The following GMEB2 variants were observed in gnomAD, a reference collection of about 807,000 sequenced individuals.
GMEB2 encodes the protein glucocorticoid modulatory element-binding protein 2.
A neutral mutation model predicts 45.7 loss-of-function variants in GMEB2; 7 were observed. That is an observed-to-expected ratio of 0.15 (90% confidence interval 0.09 to 0.29). The LOEUF is 0.29. GMEB2 is among the 10% of genes least tolerant of loss of function. The probability of loss-of-function intolerance (pLI) is 1.00; values close to 1 mark genes in which losing one functional copy is unlikely to be tolerated. For missense variants in GMEB2, 582 were observed against 739.2 expected (o/e 0.79, Z 2.47); for synonymous variants, 322 against 323.6 (o/e 1.00, Z 0.05).
In GMEB2 at chr20:63,590,331, C is replaced by T. The variant is rs748067783; in HGVS notation, c.1351G>A (p.Ala451Thr). The stretch of plus-strand genomic sequence containing the variant: ...GTGCTCAGGACCGTGAGGCTGGACG[C>T]GTCCGGGTGGATCTCCACTGTGCTG... ...YPSTVEIHPDASSLTVLSTAA... is the reference protein window; with the variant it reads ...YPSTVEIHPDTSSLTVLSTAA... The change falls in exon 10 of 10, where the codon GCG (alanine) becomes ACG (threonine). Residue 451 changes from alanine to threonine, a missense_variant. By Grantham distance (58) the Ala-to-Thr change is moderately conservative. This residue lies in a region of GMEB2 where 462 missense variants were observed against 586.7 expected (regional missense o/e 0.79). Transcript: ENST00000370077. 1.7e-5 allele frequency: 28 copies of T among 1,612,068 alleles called. No homozygotes were observed. The highest frequency in any genetic ancestry group is 6.7e-5 in the Admixed American group (4 of 59,976).
chr20:63,625,716 G>C (rs2089666542), intron 1 of GMEB2, among the ~76,000 whole-genome samples: 1 of 151,844 alleles, frequency 6.6e-6, no homozygotes, highest in Non-Finnish European at 1.5e-5. Flanking sequence ...TCCTGCCTCA[G>C]CCTCCCAACT....
chr20:63,601,950 GGCCTGTGGCTTCTGTGCT>G (rs1353716149), intron 4 of GMEB2, among the ~76,000 whole-genome samples: 5 of 149,028 alleles, frequency 3.4e-5, no homozygotes, highest in Admixed American at 2.0e-4. Flanking sequence ...GCTTCTGTGG[GGCCTGTGGCTTCTGTGCT>G]GCCTGTGGCT....
intron 2 of GMEB2, among the ~76,000 whole-genome samples, chr20:63,616,198 C>T (rs1204132088): frequency 6.6e-6 from 1 of 152,170 alleles, no homozygotes; most frequent in Non-Finnish European, 1.5e-5. Flanking sequence ...AATTCCAGCA[C>T]TTTGGGAGGC....
intron 1 of GMEB2, among the ~76,000 whole-genome samples, chr20:63,620,200 G>A (rs2089635602): frequency 6.6e-6 from 1 of 152,220 alleles, no homozygotes; most frequent in African/African-American, 2.4e-5. Flanking sequence ...TGCCTGGCCT[G>A]CCCCGGGTTT....
At chr20:63,615,557 C>A (rs1306459700) in intron 2 of GMEB2, among the ~76,000 whole-genome samples, 4 of 152,134 alleles carry the variant, frequency 2.6e-5, no homozygotes, top group African/African-American at 9.7e-5. Context: ...AACTCCTGGG[C>A]TCAAGCAACC....
intron 2 of GMEB2, among the ~76,000 whole-genome samples, chr20:63,610,482 T>C (rs893171613): frequency 6.6e-6 from 1 of 151,894 alleles, no homozygotes; most frequent in African/African-American, 2.4e-5. Context: ...GATCGCGCCA[T>C]TGCACTCCAG....
intron 2 of GMEB2, among the ~76,000 whole-genome samples, chr20:63,605,614 G>A (rs1245691671): frequency 2.0e-5 from 3 of 151,790 alleles, no homozygotes; most frequent in Non-Finnish European, 4.4e-5. Context: ...CACATTTTCT[G>A]TTTGGTTCAT....
At chr20:63,595,867 C>A in intron 5 of GMEB2, 100 bp from the exon 6 acceptor site, 1 of 1,077,822 alleles carries the variant, frequency 9.3e-7, no homozygotes, top group Admixed American at 2.0e-5. Context: ...GTGGGGCAGG[C>A]CTAGCAGAGG....
chr20:63,601,505 A>C (rs2083240864), intron 4 of GMEB2, among the ~76,000 whole-genome samples: 1 of 151,918 alleles, frequency 6.6e-6, no homozygotes, highest in South Asian at 2.1e-4. Flanking sequence ...GTTTCTGCAG[A>C]ATCTACTTAT....
intron 2 of GMEB2, among the ~76,000 whole-genome samples, chr20:63,608,936 C>A (rs76601806): frequency 3.5e-5 from 1 of 28,212 alleles, no homozygotes; most frequent in African/African-American, 7.3e-5. Context: ...CCCTGTGACC[C>A]CACCTCCATT....
In GMEB2 at chr20:63,595,637, T is replaced by A; in HGVS notation, c.592A>T (p.Ile198Phe). ...SLSSPTSAEY[I>F]PLTPAAADVN... is the part of the protein sequence containing the mutation. ...TCGGCTGCGGCGGGCGTGAGGGGAATGTACTCGGCCGACGTGGGGCTGCTC... is the reference window on the plus strand; with the variant it reads ...TCGGCTGCGGCGGGCGTGAGGGGAAAGTACTCGGCCGACGTGGGGCTGCTC... Residue 198 changes from isoleucine (I) to phenylalanine (F), a missense_variant, in exon 6 of 10, where the codon ATT becomes TTT. Transcript: ENST00000370077. 6.2e-7 allele frequency: 1 copy of A among 1,612,374 alleles called. No individual in the cohort carries two copies. Among genetic ancestry groups the A allele is most frequent in the Middle Eastern group, 1.7e-4 (1 of 6,048 alleles).
chr20:63,592,163 C>T lies in GMEB2; in HGVS notation c.830-19G>A. ...ACAGCATCTTAAAGGGTAACGCGGA[C>T]ACTCAGTGAGAGCCCAAGCCCTTCC... On this transcript the variant is annotated intron_variant, in intron 8 of 9. Transcript: ENST00000370077. The surrounding 1 kb of genome is among the most constrained non-coding windows in gnomAD (Gnocchi z 8.2). 1 of 1,609,498 alleles carries T rather than the reference C, an allele frequency of 6.2e-7. No homozygotes were observed. The highest frequency in any genetic ancestry group is 8.5e-7 in the Non-Finnish European group (1 of 1,178,092).
chr20:63,592,583 G>A lies in GMEB2; in HGVS notation c.779C>T (p.Thr260Ile). 6.2e-7 allele frequency: 1 copy of A among 1,612,226 alleles called. No homozygotes were observed. The highest frequency in any genetic ancestry group is 1.7e-5 in the Admixed American group (1 of 60,014). The change falls in exon 8 of 10, where the codon ACC (threonine) becomes ATC (isoleucine). Residue 260 changes from threonine to isoleucine, a missense_variant. By Grantham distance (89) the Thr-to-Ile change is moderately conservative (BLOSUM62 -1). This residue lies in a region of GMEB2 where 462 missense variants were observed against 586.7 expected (regional missense o/e 0.79). Transcript: ENST00000370077. The surrounding 1 kb of genome is among the most constrained non-coding windows in gnomAD (Gnocchi z 8.2). ...IQEFHQELVE[T>I]MRGLQQRVQD... ...GACCCGCTGCTGCAGGCCTCTCATGGTCTCCACCAGCTCCTGGTGGAACTC... is the reference window on the plus strand; with the variant it reads ...GACCCGCTGCTGCAGGCCTCTCATGATCTCCACCAGCTCCTGGTGGAACTC...
At position 63,589,420 on chromosome 20, in the gene GMEB2, G is replaced by A. The variant is rs551259955; in HGVS notation, c.*669C>T. On this transcript the variant is annotated 3_prime_UTR_variant, in exon 10 of 10. Coordinates refer to ENST00000370077, the MANE Select transcript of GMEB2 (RefSeq NM_012384.5). ...CTCAGTACATGTGCAACAATGCCTG[G>A]ACCACGCCTCGTCTGTGCGGCCCCT... 2.7e-6 allele frequency: 1 copy of A among 376,254 alleles called. No individual in the cohort carries two copies. The highest frequency in any genetic ancestry group is 3.8e-5 in the East Asian group (1 of 26,374). 23.3% of individuals were successfully genotyped at this position (376,254 alleles called of 1,614,324 possible). A position where few individuals can be genotyped will look rare whatever the true frequency, so the allele number is the denominator to read the frequency against.
At position 63,590,349 on chromosome 20, in the gene GMEB2, C is replaced by T; in HGVS notation, c.1333G>A (p.Val445Met). Residue 445 changes from valine (V) to methionine (M), a missense_variant, in exon 10 of 10, where the codon GTG (valine) becomes ATG (methionine). Physicochemically the swap from Val to Met is conservative, Grantham distance 21. Coordinates refer to ENST00000370077, the MANE Select transcript of GMEB2 (RefSeq NM_012384.5). ...ASSGSTYPSTVEIHPDASSLT... is the reference protein window; with the variant it reads ...ASSGSTYPSTMEIHPDASSLT... ...CTGGACGCGTCCGGGTGGATCTCCA[C>T]TGTGCTGGGGTAGGTGGAGCCGGAA... 6.2e-7 allele frequency: 1 copy of T among 1,611,604 alleles called. No homozygotes were observed. Among genetic ancestry groups the T allele is most frequent in the African/African-American group, 1.3e-5 (1 of 75,044 alleles).
rs759658022 is a variant in GMEB2 at position 63,604,821 on chromosome 20, T to C, written c.151A>G (p.Asn51Asp). Residue 51 changes from asparagine to aspartate, a missense_variant, in exon 3 of 10, where the codon AAC (asparagine) becomes GAC (aspartate). Transcript: ENST00000370077. Reference protein sequence around the residue: ...APHGGDLTEDNMETENAAAAA... With the variant: ...APHGGDLTEDDMETENAAAAA... ...GCCGCTGCATTTTCTGTCTCCATGT[T>C]ATCTTCCGTCAGGTCGCCCCTGGTG... 4 of 1,609,012 alleles carry C rather than the reference T, an allele frequency of 2.5e-6. No homozygotes were observed. The highest frequency in any genetic ancestry group is 1.1e-5 in the South Asian group (1 of 90,996).
chr20:63,590,671 G>A lies in GMEB2; in HGVS notation c.1011C>T (p.Ser337=), dbSNP rs1277485217. ...TCATGAGCACGTTGCTGAGGTGCTG[G>A]GACTTGTGCTTCAGCTCCTTGGCTC... ...RRRAKELKHK[S]QHLSNVLMTL... Residue 337 remains serine, a synonymous_variant, in exon 10 of 10, where the codon TCC becomes TCT. Coordinates refer to ENST00000370077, the MANE Select transcript of GMEB2 (RefSeq NM_012384.5). 1 of 1,544,826 alleles carries A rather than the reference G, an allele frequency of 6.5e-7. No individual in the cohort carries two copies. The highest frequency in any genetic ancestry group is 8.7e-7 in the Non-Finnish European group (1 of 1,143,798).
At position 63,590,515 on chromosome 20, in the gene GMEB2, G is replaced by A. The variant is rs780841906; in HGVS notation, c.1167C>T (p.Pro389=). The A allele has an allele frequency of 8.0e-6, 12 of 1,507,184 alleles. No homozygotes were observed. The highest frequency in any genetic ancestry group is 2.8e-5 in the African/African-American group (2 of 72,628). 93.4% of individuals were successfully genotyped at this position (1,507,184 alleles called of 1,614,324 possible). Residue 389 remains proline (P), a synonymous_variant, in exon 10 of 10, where the codon CCC becomes CCT. Transcript: ENST00000370077. ...GGGGCACGCTGGTCAGCTGGGGGAC[G>A]GGCACGCCCGGGCCAAGCGCCAGCT... The part of the protein sequence containing the change: ...SAQLALGPGV[P]VPQLTSVPLG...
intron 3 of GMEB2, 85 bp downstream of exon 3, chr20:63,604,658 C>A (rs2089504184): frequency 1.2e-6 from 1 of 820,566 alleles, no homozygotes; most frequent in African/African-American, 1.7e-5. Context: ...TTGTATATCT[C>A]TGGCTGTTCC....
Sources: allele counts gnomAD v4.1 joint callset (sites outside exome capture counted in the v4.1 genomes callset), GRCh38; gene constraint gnomAD v4.1.1; regional missense constraint gnomAD v4.1.1; non-coding constraint Gnocchi (gnomAD v3.1); transcripts MANE v1.5; gene names NCBI Gene and HGNC (gene_info 2026-07-23, HGNC 2026-07-21).